TMCO5A: variants seen among roughly 807,000 people sequenced by gnomAD.
TMCO5A encodes transmembrane and coiled-coil domains 5A.
Under a neutral mutation model 42.3 loss-of-function variants are expected in TMCO5A, and 34 were observed. That is an observed-to-expected ratio of 0.80 (90% CI 0.61 to 1.07). The LOEUF (loss-of-function observed/expected upper bound fraction) is 1.07, where lower values mean the gene tolerates loss of function less well. TMCO5A is among the 50% of genes least tolerant of loss of function. The pLI is 0.00. For missense variants in TMCO5A, 357 were observed against 327.9 expected (o/e 1.09, Z -0.69); for synonymous variants, 131 against 115.6 (o/e 1.13, Z -0.86).
the TMCO5A span, among the ~76,000 whole-genome samples, chr15:37,988,312 C>G: frequency 6.6e-6 from 1 of 151,872 alleles, no homozygotes; most frequent in Non-Finnish European, 1.5e-5. Flanking sequence ...TTTACTTTTT[C>G]CTTTCCAATT....
chr15:38,036,483 GTCTCTC>G, the TMCO5A span, among the ~76,000 whole-genome samples: 72 of 142,070 alleles, frequency 5.1e-4, no homozygotes, highest in African/African-American at 2.0e-3. Flanking sequence ...CTCTGTTTTT[GTCTCTC>G]TCTCTCTCAC....
At chr15:38,009,348 G>A in the TMCO5A span, among the ~76,000 whole-genome samples, 42 of 152,156 alleles carry the variant, frequency 2.8e-4, no homozygotes, top group African/African-American at 9.7e-4. Flanking sequence ...AGCACAGCTC[G>A]CCTATTCTAG....
chr15:37,943,472 G>T (rs1889826056), intron 10 of TMCO5A, 74 bp downstream of exon 10: 55 of 1,466,780 alleles, frequency 3.7e-5, no homozygotes, highest in Middle Eastern at 1.8e-4. Flanking sequence ...AAACTATAAG[G>T]CACCAAATAT....
At chr15:38,025,177 G>A in the TMCO5A span, among the ~76,000 whole-genome samples, 1 of 150,948 alleles carries the variant, frequency 6.6e-6, no homozygotes, top group Non-Finnish European at 1.5e-5. Flanking sequence ...GTGTGTGTGT[G>A]TGTGTGTGTG....
At chr15:37,959,767 T>C (rs566002239) in intron 11 of TMCO5A, among the ~76,000 whole-genome samples, 20 of 151,912 alleles carry the variant, frequency 1.3e-4, no homozygotes, top group Non-Finnish European at 2.7e-4. Flanking sequence ...TTTCCTCTAA[T>C]ATCTGGAACA....
At chr15:37,981,200 C>CAAAAAAAAAAAAAAAAAAAAAAA in the TMCO5A span, among the ~76,000 whole-genome samples, 2 of 65,322 alleles carry the variant, frequency 3.1e-5, no homozygotes, top group African/African-American at 1.1e-4. Context: ...AGAAAGCCAG[C>CAAAAAAAAAAAAAAAAAAAAAAA]AAAAAAAAAA....
downstream of TMCO5A, among the ~76,000 whole-genome samples, chr15:37,955,393 A>C (rs1197045615): frequency 6.6e-6 from 1 of 151,858 alleles, no homozygotes; most frequent in East Asian, 1.9e-4. Flanking sequence ...TGATGACTTC[A>C]CTCCTGAATT....
At chr15:37,963,001 T>G (rs1890469964) in intron 11 of TMCO5A, among the ~76,000 whole-genome samples, 1 of 152,142 alleles carries the variant, frequency 6.6e-6, no homozygotes, top group African/African-American at 2.4e-5. Context: ...GCTTTTTGTT[T>G]CATTTATCTT....
chr15:38,024,335 A>T, the TMCO5A span, among the ~76,000 whole-genome samples: 5 of 152,192 alleles, frequency 3.3e-5, no homozygotes, highest in Non-Finnish European at 7.3e-5. Context: ...TAGAAGAGAG[A>T]GCAGAACTGT....
At chr15:37,989,876 T>C in the TMCO5A span, among the ~76,000 whole-genome samples, 7 of 152,094 alleles carry the variant, frequency 4.6e-5, no homozygotes, top group Admixed American at 4.6e-4. Context: ...GCATGCCATT[T>C]TTCTAAGAGC....
the TMCO5A span, among the ~76,000 whole-genome samples, chr15:37,973,036 C>T: frequency 6.6e-5 from 10 of 152,138 alleles, no homozygotes; most frequent in African/African-American, 2.2e-4. Context: ...AATAGGGTGT[C>T]CTTTCCCCAT....
At chr15:37,935,151 G>A (rs1889468737) in intron 1 of TMCO5A, 106 bp from the exon 2 acceptor site, 1 of 152,102 alleles carries the variant, frequency 6.6e-6, no homozygotes, top group Admixed American at 6.6e-5. Flanking sequence ...GAGAAAATGA[G>A]TTAACTTAAT....
chr15:38,029,367 CCACACACACACACACA>C, the TMCO5A span, among the ~76,000 whole-genome samples: 1 of 147,954 alleles, frequency 6.8e-6, no homozygotes, highest in Non-Finnish European at 1.5e-5. Flanking sequence ...CATGAATACA[CCACACACACACACACA>C]CACACACACA....
rs149517482 is a variant in TMCO5A, at chr15:37,936,419, G to A, written c.96G>A (p.Gln32=). 2 of 1,612,938 alleles carry A rather than the reference G, an allele frequency of 1.2e-6. No homozygotes were observed. The highest frequency in any genetic ancestry group is 1.7e-6 in the Non-Finnish European group (2 of 1,179,406). The part of the protein sequence containing the change: ...RDTQRIDEAN[Q]KLLLKIQERE... Reference sequence around the variant, plus strand: ...CGCAGAGAATAGATGAAGCAAATCAGAAACTTCTTCTCAAAATCCAAGAGA... The same window carrying A: ...CGCAGAGAATAGATGAAGCAAATCAAAAACTTCTTCTCAAAATCCAAGAGA... Residue 32 remains glutamine, a synonymous_variant, in exon 3 of 12, where the codon CAG becomes CAA. Coordinates refer to ENST00000319669, the MANE Select transcript of TMCO5A (RefSeq NM_152453.4).
chr15:38,026,890 G>T, the TMCO5A span, among the ~76,000 whole-genome samples: 1 of 152,230 alleles, frequency 6.6e-6, no homozygotes, highest in Non-Finnish European at 1.5e-5. Context: ...TCCACGTGGT[G>T]TTGAGCCTAC....
the TMCO5A span, among the ~76,000 whole-genome samples, chr15:38,032,741 T>C: frequency 2.0e-5 from 3 of 152,138 alleles, no homozygotes; most frequent in South Asian, 2.1e-4. Flanking sequence ...GTAGCACTGT[T>C]AGGAAACCAC....
chr15:37,972,076 G>A (rs936919350), downstream of TMCO5A, among the ~76,000 whole-genome samples: 4 of 152,282 alleles, frequency 2.6e-5, no homozygotes, highest in African/African-American at 9.6e-5. Context: ...TCACACTGCT[G>A]ATGAAGACAT....
At chr15:37,952,498 G>T (rs941245144), downstream of TMCO5A, among the ~76,000 whole-genome samples, 1 of 152,098 alleles carries the variant, frequency 6.6e-6, no homozygotes, top group Non-Finnish European at 1.5e-5. Flanking sequence ...CTTTGAAGAG[G>T]ACTCAGTCCT....
the TMCO5A span, among the ~76,000 whole-genome samples, chr15:38,027,003 G>A: frequency 1.3e-5 from 2 of 152,148 alleles, no homozygotes; most frequent in African/African-American, 4.8e-5. Flanking sequence ...CTGCAGGGGT[G>A]GGGAGTTCAT....
Sources: allele counts gnomAD v4.1 joint callset (sites outside exome capture counted in the v4.1 genomes callset), GRCh38; gene constraint gnomAD v4.1.1; transcripts MANE v1.5; gene names NCBI Gene and HGNC (gene_info 2026-07-23, HGNC 2026-07-21).